Variants in CD160 observed in about 807,000 individuals in gnomAD.
CD160 encodes the protein CD160 molecule, also known as CD160 antigen.
A neutral mutation model predicts 19.2 loss-of-function variants in CD160; 11 were observed. That is an observed-to-expected ratio of 0.57 (90% CI 0.36 to 0.95). The LOEUF (loss-of-function observed/expected upper bound fraction) is 0.95. Among genes scored for constraint, CD160 ranks in the 40% least tolerant of loss-of-function variants. The pLI, the probability that CD160 is intolerant of heterozygous loss-of-function variation, is 0.01. For missense variants in CD160, 182 were observed against 213.2 expected (o/e 0.85, Z 0.91); for synonymous variants, 75 against 81.1 (o/e 0.93, Z 0.40).
intron 4 of CD160, among the ~76,000 whole-genome samples, chr1:145,735,503 T>C (rs367561593): frequency 6.6e-6 from 1 of 152,088 alleles, no homozygotes; most frequent in African/African-American, 2.4e-5. Context: ...GGAGGATCGA[T>C]TGGGCTCGGG....
chr1:145,730,650 C>A, intron 3 of CD160, 94 bp from the exon 4 acceptor site: 2 of 987,208 alleles, frequency 2.0e-6, no homozygotes, highest in South Asian at 1.6e-5. Flanking sequence ...CTGCTTCAGT[C>A]CTTCCTTGAA....
chr1:145,721,927 G>A (rs1207179340), intron 1 of CD160, among the ~76,000 whole-genome samples: 1 of 152,048 alleles, frequency 6.6e-6, no homozygotes, highest in Non-Finnish European at 1.5e-5. Context: ...ACAGCTGTTC[G>A]TGAATGGATG....
rs587606431 is a variant in CD160, at chr1:145,726,264, T to C, written c.-73+1358T>C. 3.9e-5 allele frequency among the ~76,000 whole-genome samples: 6 copies of C among 152,296 alleles called. No homozygotes were observed. The East Asian group carries it at 1.2e-3, about 29-fold the overall frequency. On this transcript the variant is annotated intron_variant, in intron 2 of 5. Coordinates refer to ENST00000369288, the MANE Select transcript of CD160 (RefSeq NM_007053.4). ...ATACCCAAAGGATTATAAATCATTC[T>C]ACGATAAAGATGCACAAGTATGTTT...
chr1:145,719,919 T>A (rs1331671512), intron 1 of CD160, among the ~76,000 whole-genome samples: 3 of 152,178 alleles, frequency 2.0e-5, no homozygotes, highest in Non-Finnish European at 2.9e-5. Context: ...GTGAGGCACC[T>A]CCGGGGGAAG....
chr1:145,732,700 T>C (rs782658013), intron 4 of CD160, among the ~76,000 whole-genome samples: 10 of 152,054 alleles, frequency 6.6e-5, no homozygotes, highest in Non-Finnish European at 1.3e-4. Flanking sequence ...ACTCTGCCAG[T>C]AAAAAAATAA....
At chr1:145,722,980 G>T (rs1656914327) in intron 1 of CD160, among the ~76,000 whole-genome samples, 1 of 152,156 alleles carries the variant, frequency 6.6e-6, no homozygotes, top group African/African-American at 2.4e-5. Flanking sequence ...TGGGCTGAAT[G>T]AATAATTGCA....
intron 1 of CD160, among the ~76,000 whole-genome samples, chr1:145,724,458 T>C (rs1416070242): frequency 6.6e-5 from 10 of 152,210 alleles, no homozygotes; most frequent in African/African-American, 1.9e-4. Flanking sequence ...TCTGCCTTGC[T>C]CCTAATATTA....
chr1:145,725,059 TG>T (rs1181259077), intron 2 of CD160, among the ~76,000 whole-genome samples, 153 bp downstream of exon 2: 5 of 151,444 alleles, frequency 3.3e-5, no homozygotes, highest in African/African-American at 9.7e-5. Flanking sequence ...CCACCGCAAC[TG>T]GGCCTTTCAA....
At chr1:145,721,765 T>C (rs1656859402) in intron 1 of CD160, among the ~76,000 whole-genome samples, 1 of 152,138 alleles carries the variant, frequency 6.6e-6, no homozygotes, top group Non-Finnish European at 1.5e-5. Context: ...CCGTATTCTT[T>C]AGTCACCAGC....
chr1:145,721,258 C>A (rs1656833397), intron 1 of CD160, among the ~76,000 whole-genome samples: 1 of 152,214 alleles, frequency 6.6e-6, no homozygotes, highest in African/African-American at 2.4e-5. Flanking sequence ...CTGGATGGCC[C>A]ATGGCTGGAG....
At chr1:145,720,452 A>G (rs1298925174) in intron 1 of CD160, among the ~76,000 whole-genome samples, 1 of 152,182 alleles carries the variant, frequency 6.6e-6, no homozygotes, top group Non-Finnish European at 1.5e-5. Context: ...AAGAGCTTCA[A>G]GGGCCCCCCA....
At chr1:145,732,654 G>A (rs1473132585) in intron 4 of CD160, among the ~76,000 whole-genome samples, 1 of 152,092 alleles carries the variant, frequency 6.6e-6, no homozygotes, top group Non-Finnish European at 1.5e-5. Context: ...GCCCATTAAA[G>A]ACCCAATAAA....
rs587608765 is a variant in CD160 at position 145,726,738 on chromosome 1, A to C, written c.-72-1518A>C. Among the ~76,000 whole-genome samples, 7 of 152,350 alleles carry C rather than the reference A, an allele frequency of 4.6e-5. No individual in the cohort carries two copies. In the South Asian group the frequency reaches 1.4e-3, roughly 32 times the overall value. On this transcript the variant is annotated intron_variant, in intron 2 of 5. Coordinates refer to ENST00000369288, the MANE Select transcript of CD160 (RefSeq NM_007053.4). The stretch of plus-strand genomic sequence containing the variant: ...TAGAACTTAAAGTATATTAAAAAAA[A>C]GATATAATGGGTAAAAGATGACATT...
Position 145,738,738 on chromosome 1 carries a change from A to T in CD160, c.*245A>T, listed in dbSNP as rs1191149476. The T allele has an allele frequency of 2.8e-6, 1 of 354,506 alleles. No homozygotes were observed. The highest frequency in any genetic ancestry group is 2.1e-5 in the African/African-American group (1 of 47,770). 22.0% of individuals were successfully genotyped at this position (354,506 alleles called of 1,614,324 possible). On this transcript the variant is annotated 3_prime_UTR_variant, in exon 6 of 6. Transcript: ENST00000369288. Reference sequence around the variant, plus strand: ...CTAAGCTCCAGTAAATAAACAGAACAGCTTTCACCAAAGTGGGTAGTATAG... The same window carrying T: ...CTAAGCTCCAGTAAATAAACAGAACTGCTTTCACCAAAGTGGGTAGTATAG...
intron 2 of CD160, 27 bp from the exon 3 acceptor site, chr1:145,728,229 G>A: frequency 1.2e-6 from 1 of 818,222 alleles, no homozygotes; most frequent in Non-Finnish European, 2.1e-6. Flanking sequence ...GGAAGGCTTT[G>A]TCTAGTGGGT....
At chr1:145,731,690 A>G (rs1553709351) in intron 4 of CD160, among the ~76,000 whole-genome samples, 1 of 152,126 alleles carries the variant, frequency 6.6e-6, no homozygotes, top group Non-Finnish European at 1.5e-5. Context: ...AAAAACAAGA[A>G]AAGAAAAGAA....
intron 2 of CD160, among the ~76,000 whole-genome samples, chr1:145,726,549 G>A (rs1657056247): frequency 6.6e-6 from 1 of 152,152 alleles, no homozygotes; most frequent in Non-Finnish European, 1.5e-5. Context: ...CATGAACCCA[G>A]GGTGGGGAAC....
At chr1:145,734,184 T>A (rs1553709799) in intron 4 of CD160, among the ~76,000 whole-genome samples, 1 of 152,182 alleles carries the variant, frequency 6.6e-6, no homozygotes, top group Non-Finnish European at 1.5e-5. Flanking sequence ...CTTCATCACC[T>A]CACACTTAAC....
chr1:145,731,483 C>A (rs1571683150), intron 4 of CD160, among the ~76,000 whole-genome samples: 1 of 152,058 alleles, frequency 6.6e-6, no homozygotes, highest in Non-Finnish European at 1.5e-5. Flanking sequence ...TCAGCCTAGC[C>A]AACATGGAGA....
Sources: gnomAD v4.1 joint callset for allele counts (sites outside exome capture counted in the v4.1 genomes callset) on GRCh38, gnomAD v4.1.1 for gene constraint, MANE v1.5 for transcripts, NCBI Gene and HGNC (gene_info 2026-07-23, HGNC 2026-07-21) for gene names.